KLHL29: variants seen among roughly 807,000 people sequenced by gnomAD.
KLHL29 encodes kelch like family member 29.
Under a neutral mutation model 80.4 loss-of-function variants are expected in KLHL29, and 21 were observed. The ratio of observed to expected loss-of-function variants is 0.26; its 90% CI spans 0.19 to 0.38. The LOEUF is 0.38. Ranked by LOEUF, KLHL29 falls within the 10% of genes least tolerant of loss-of-function variation. The pLI, the probability that KLHL29 is intolerant of heterozygous loss-of-function variation, is 1.00. For missense variants in KLHL29, 867 were observed against 1,223.9 expected, an observed-to-expected ratio of 0.71 and a Z score of 4.35; for synonymous variants, 511 against 526.8, an observed-to-expected ratio of 0.97 and a Z score of 0.41.
intron 2 of KLHL29, among the ~76,000 whole-genome samples, chr2:23,517,612 C>T (rs1665977903): frequency 4.6e-5 from 1 of 21,570 alleles, no homozygotes; most frequent in African/African-American, 2.7e-4. Context: ...AATCTTTTCC[C>T]ATCTTTTTAA....
Position 23,630,514 on chromosome 2 carries a change from A to C in KLHL29, c.286-8625A>C, listed in dbSNP as rs112795433. Among the ~76,000 whole-genome samples, 1,318 of 152,022 alleles carry C rather than the reference A, an allele frequency of 8.7e-3. 21 individuals are homozygous for C. Among genetic ancestry groups the C allele is most frequent in the African/African-American group, 0.03 (1,246 of 41,456 alleles). On this transcript the variant is annotated intron_variant, in intron 3 of 13. Coordinates refer to ENST00000486442, the MANE Select transcript of KLHL29 (RefSeq NM_052920.2). ...TTGTTCTGTTTTTGAAATGGAGTCT[A>C]GCTTTGTCACCCAGGCTGGAGGGCA...
At chr2:23,408,435 C>G (rs571684772) in intron 1 of KLHL29, among the ~76,000 whole-genome samples, 12 of 152,052 alleles carry the variant, frequency 7.9e-5, no homozygotes, top group African/African-American at 2.9e-4. Context: ...CTCTTGCTCT[C>G]TCTGTGTTTA....
intron 2 of KLHL29, among the ~76,000 whole-genome samples, chr2:23,502,981 TTTTC>T (rs1286363494): frequency 6.6e-6 from 1 of 151,646 alleles, no homozygotes; most frequent in Non-Finnish European, 1.5e-5. Context: ...TCTTTTTTCT[TTTTC>T]TTTTTTTTGG....
intron 5 of KLHL29, among the ~76,000 whole-genome samples, chr2:23,648,806 A>G (rs375182954): frequency 2.0e-4 from 31 of 152,318 alleles, no homozygotes; most frequent in African/African-American, 7.2e-4. Flanking sequence ...GGCTTGCAGC[A>G]TGGATGGTGG....
intron 1 of KLHL29, among the ~76,000 whole-genome samples, chr2:23,448,535 T>C (rs1663776393): frequency 1.3e-5 from 2 of 152,218 alleles, no homozygotes; most frequent in Non-Finnish European, 2.9e-5. Context: ...AGGAGCAGGA[T>C]GGAGGCTCAG....
intron 1 of KLHL29, among the ~76,000 whole-genome samples, chr2:23,473,158 A>C (rs1474791696): frequency 6.6e-6 from 1 of 152,132 alleles, no homozygotes; most frequent in African/African-American, 2.4e-5. Context: ...CCTGCTCATG[A>C]AGACGCAGAG....
At chr2:23,689,918 C>T (rs956231784) in intron 6 of KLHL29, 6 of 152,294 alleles carry the variant, frequency 3.9e-5, no homozygotes, top group African/African-American at 1.4e-4. Flanking sequence ...CTTTAGAAGT[C>T]ACTCTGTGTT....
chr2:23,691,426 G>T, intron 6 of KLHL29: 1 of 564,982 alleles, frequency 1.8e-6, no homozygotes, highest in Non-Finnish European at 3.2e-6. Flanking sequence ...TTTTTGATTT[G>T]CATCTTTTTT....
At chr2:23,422,574 CCTGT>C (rs980393053) in intron 1 of KLHL29, among the ~76,000 whole-genome samples, 9 of 139,854 alleles carry the variant, frequency 6.4e-5, no homozygotes, top group African/African-American at 1.6e-4. Context: ...TGTATGTGTC[CCTGT>C]CTGTGTGTCT....
chr2:23,485,516 C>G (rs575804886), intron 2 of KLHL29, among the ~76,000 whole-genome samples: 65 of 152,198 alleles, frequency 4.3e-4, no homozygotes, highest in Admixed American at 7.8e-4. Context: ...CCCTCCTTCC[C>G]ACTGTTCCAA....
intron 3 of KLHL29, among the ~76,000 whole-genome samples, chr2:23,633,839 G>C (rs1224592904): frequency 6.6e-6 from 1 of 151,808 alleles, no homozygotes; most frequent in Admixed American, 6.6e-5. Context: ...AGGCTCAACT[G>C]TGGCAGTTCC....
Position 23,636,362 on chromosome 2 carries a change from A to G in KLHL29, c.286-2777A>G, listed in dbSNP as rs116593059. Among the ~76,000 whole-genome samples the G allele has an allele frequency of 4.8e-3, 728 of 152,142 alleles. 6 individuals carry two copies. The highest frequency in any genetic ancestry group is 0.017 in the African/African-American group (692 of 41,516). On this transcript the variant is annotated intron_variant, in intron 3 of 13. Coordinates refer to ENST00000486442, the MANE Select transcript of KLHL29 (RefSeq NM_052920.2). ...GTAGCTTCAGATGTTGTGAGTGCTC[A>G]GTAGAAAATGGGTAGCCTTATGTAT...
intron 1 of KLHL29, among the ~76,000 whole-genome samples, chr2:23,466,589 A>T (rs561985639): frequency 6.6e-6 from 1 of 152,294 alleles, no homozygotes; most frequent in African/African-American, 2.4e-5. Flanking sequence ...TGGGCCCGAG[A>T]TGGAGAGGAG....
intron 3 of KLHL29, among the ~76,000 whole-genome samples, chr2:23,607,192 C>T (rs1668749810): frequency 6.6e-6 from 1 of 152,226 alleles, no homozygotes; most frequent in Non-Finnish European, 1.5e-5. Context: ...CTGCCACCCA[C>T]AGACCAGGAG....
intron 2 of KLHL29, among the ~76,000 whole-genome samples, chr2:23,502,200 A>C (rs1004109556): frequency 6.6e-6 from 1 of 152,226 alleles, no homozygotes; most frequent in Non-Finnish European, 1.5e-5. Context: ...TGGATGGCAA[A>C]AAAATTCATT....
At chr2:23,612,418 A>T (rs888268778) in intron 3 of KLHL29, among the ~76,000 whole-genome samples, 36 of 152,226 alleles carry the variant, frequency 2.4e-4, no homozygotes, top group African/African-American at 7.0e-4. Flanking sequence ...AGATTTTTTT[A>T]AAAAGTTCAG....
chr2:23,408,427 CT>C (rs1216594224), intron 1 of KLHL29, among the ~76,000 whole-genome samples: 8 of 151,696 alleles, frequency 5.3e-5, no homozygotes, highest in African/African-American at 1.9e-4. Flanking sequence ...TCCATTTACT[CT>C]TGCTCTCTCT....
chr2:23,638,773 G>A lies in KLHL29; in HGVS notation c.286-366G>A, dbSNP rs116503819. ...TGCCCGATAAGTTGGTAGCATCTGTGTGGTTGTGGTTTGTGGATGGTCCGA... is the reference window on the plus strand; with the variant it reads ...TGCCCGATAAGTTGGTAGCATCTGTATGGTTGTGGTTTGTGGATGGTCCGA... On this transcript the variant is annotated intron_variant, in intron 3 of 13. Transcript: ENST00000486442. Among the ~76,000 whole-genome samples the A allele has an allele frequency of 2.6e-3, 399 of 152,324 alleles. 3 individuals are homozygous for A. The highest frequency in any genetic ancestry group is 9.1e-3 in the African/African-American group (379 of 41,566).
chr2:23,660,442 C>T (rs1202784468), intron 5 of KLHL29, among the ~76,000 whole-genome samples: 1 of 152,204 alleles, frequency 6.6e-6, no homozygotes, highest in Non-Finnish European at 1.5e-5. Flanking sequence ...CCTGCAGCTG[C>T]CAAATGGAAA....
Sources: gnomAD v4.1 joint callset for allele counts (sites outside exome capture counted in the v4.1 genomes callset) on GRCh38, gnomAD v4.1.1 for gene constraint, MANE v1.5 for transcripts, NCBI Gene and HGNC (gene_info 2026-07-23, HGNC 2026-07-21) for gene names.